Variants in AGBL4 observed in about 807,000 individuals in gnomAD.
AGBL4 encodes cytosolic carboxypeptidase 6.
A neutral mutation model predicts 66.4 loss-of-function variants in AGBL4; 58 were observed. That is an observed-to-expected ratio of 0.87 (90% confidence interval 0.71 to 1.09). AGBL4 has a LOEUF of 1.09. AGBL4 is among the 50% of genes least tolerant of loss of function. AGBL4 has a pLI of 0.00. For missense variants in AGBL4, 579 were observed against 631.0 expected (o/e 0.92, Z 0.88); for synonymous variants, 234 against 222.9 (o/e 1.05, Z -0.44).
chr1:48,753,137 C>T (rs559314874), intron 6 of AGBL4, among the ~76,000 whole-genome samples: 2 of 152,326 alleles, frequency 1.3e-5, no homozygotes, highest in Non-Finnish European at 2.9e-5. Context: ...AGTTAAGTAA[C>T]TTGCCCGAGG....
chr1:49,796,744 C>T (rs1282988034), intron 2 of AGBL4, among the ~76,000 whole-genome samples: 1 of 151,602 alleles, frequency 6.6e-6, no homozygotes, highest in African/African-American at 2.4e-5. Flanking sequence ...TTCTAAATTA[C>T]AGATTATTTT....
chr1:49,724,188 C>T (rs574834858), intron 2 of AGBL4, among the ~76,000 whole-genome samples: 2 of 152,052 alleles, frequency 1.3e-5, no homozygotes, highest in Non-Finnish European at 2.9e-5. Flanking sequence ...CACTCTGGAC[C>T]CCAAACAGTG....
Position 49,867,540 on chromosome 1 carries a change from C to T in AGBL4, c.35-16022G>A, listed in dbSNP as rs375512729. ...GTGTGTAATGTTCCCCTTCCTGTGT[C>T]CAAGTGTTCTTATTGTTCAATTCCC... On this transcript the variant is annotated intron_variant, in intron 1 of 13. Coordinates refer to ENST00000371839, the MANE Select transcript of AGBL4 (RefSeq NM_032785.4). Among the ~76,000 whole-genome samples, 47 of 138,468 alleles carry T rather than the reference C, an allele frequency of 3.4e-4. 1 individual carries two copies. The South Asian group carries it at 9.7e-3, about 29-fold the overall frequency. The allele number at this position is 138,468 out of a possible 152,430, so 90.8% of individuals were successfully genotyped here.
intron 3 of AGBL4, among the ~76,000 whole-genome samples, chr1:49,555,932 G>C (rs1653406220): frequency 6.6e-6 from 1 of 152,130 alleles, no homozygotes; most frequent in Admixed American, 6.5e-5. Flanking sequence ...CTGTTGGTGG[G>C]ACTGTAAACT....
chr1:49,788,147 G>T, intron 2 of AGBL4, among the ~76,000 whole-genome samples: 1 of 152,284 alleles, frequency 6.6e-6, no homozygotes, highest in South Asian at 2.1e-4. Flanking sequence ...TTTTCTTGGG[G>T]ATATGCAAAC....
intron 11 of AGBL4, among the ~76,000 whole-genome samples, chr1:48,580,579 T>C (rs992701323): frequency 6.6e-6 from 1 of 152,198 alleles, no homozygotes; most frequent in Non-Finnish European, 1.5e-5. Flanking sequence ...TGAGACTGTT[T>C]TGTGACTAGA....
intron 4 of AGBL4, among the ~76,000 whole-genome samples, chr1:49,115,933 A>G (rs1276849097): frequency 1.3e-5 from 2 of 152,190 alleles, no homozygotes; most frequent in Non-Finnish European, 2.9e-5. Flanking sequence ...GAAATGCTGT[A>G]TCTCCATGTT....
intron 4 of AGBL4, among the ~76,000 whole-genome samples, chr1:49,219,774 C>T (rs187989438): frequency 1.8e-4 from 27 of 152,216 alleles, no homozygotes; most frequent in Middle Eastern, 3.4e-3. Flanking sequence ...AGAAAAGTTT[C>T]GTTGTCAAAG....
At chr1:49,619,308 A>G (rs952968673) in intron 3 of AGBL4, among the ~76,000 whole-genome samples, 1 of 152,192 alleles carries the variant, frequency 6.6e-6, no homozygotes, top group Non-Finnish European at 1.5e-5. Flanking sequence ...AACCACAAGC[A>G]TTCCTATACA....
chr1:49,797,978 G>C (rs546859547), intron 2 of AGBL4, among the ~76,000 whole-genome samples: 2 of 152,194 alleles, frequency 1.3e-5, no homozygotes, highest in East Asian at 1.9e-4. Context: ...GGCCAGGCTG[G>C]TCTCGAACTA....
At position 49,683,908 on chromosome 1, in the gene AGBL4, A is replaced by G. The variant is rs368416330; in HGVS notation, c.282+13405T>C. 3.3e-4 allele frequency among the ~76,000 whole-genome samples: 51 copies of G among 152,354 alleles called. 1 individual carries two copies. The South Asian group carries it at 9.5e-3, about 28-fold the overall frequency. ...GGAAGTGTTTGGTAGGCTGCTGGAA[A>G]GATGAATTACACTGCAGTGAAACTA... is the stretch of plus-strand genomic sequence containing the variant. On this transcript the variant is annotated intron_variant, in intron 3 of 13. Coordinates refer to ENST00000371839, the MANE Select transcript of AGBL4 (RefSeq NM_032785.4).
At chr1:48,713,997 G>A (rs1647007520) in intron 6 of AGBL4, among the ~76,000 whole-genome samples, 1 of 152,162 alleles carries the variant, frequency 6.6e-6, no homozygotes, top group African/African-American at 2.4e-5. Flanking sequence ...ATGGAAGTAC[G>A]ACTCATGTGT....
chr1:49,133,142 AAAACC>A (rs1300309669), intron 4 of AGBL4, among the ~76,000 whole-genome samples: 1 of 152,218 alleles, frequency 6.6e-6, no homozygotes, highest in Non-Finnish European at 1.5e-5. Flanking sequence ...ACAGTAACAG[AAAACC>A]AAACACTGCA....
intron 4 of AGBL4, among the ~76,000 whole-genome samples, chr1:49,145,291 A>T (rs1011525079): frequency 3.3e-5 from 5 of 152,158 alleles, no homozygotes; most frequent in African/African-American, 9.7e-5. Flanking sequence ...TATATTAAAG[A>T]TAATTAATAA....
intron 3 of AGBL4, among the ~76,000 whole-genome samples, chr1:49,668,752 T>A (rs894223230): frequency 3.3e-5 from 5 of 152,200 alleles, no homozygotes; most frequent in Non-Finnish European, 7.3e-5. Flanking sequence ...AGTCCCTGTT[T>A]TAAAGAAATC....
At position 49,381,084 on chromosome 1, in the gene AGBL4, G is replaced by T. The variant is rs558945716; in HGVS notation, c.283-135220C>A. On this transcript the variant is annotated intron_variant, in intron 3 of 13. Coordinates refer to ENST00000371839, the MANE Select transcript of AGBL4 (RefSeq NM_032785.4). The stretch of plus-strand genomic sequence containing the variant: ...ACCTACAACATGGGAGAAAATTTTC[G>T]CAACCTACTCATCTGACAAAGGGCT... Among the ~76,000 whole-genome samples, 521 of 152,078 alleles carry T rather than the reference G, an allele frequency of 3.4e-3. 1 individual carries two copies. The highest frequency in any genetic ancestry group is 0.012 in the African/African-American group (491 of 41,478).
chr1:48,824,753 G>A (rs1245016642), intron 6 of AGBL4, among the ~76,000 whole-genome samples: 1 of 152,218 alleles, frequency 6.6e-6, no homozygotes, highest in East Asian at 1.9e-4. Flanking sequence ...GCCTGGAGAA[G>A]AGATGACTTG....
chr1:49,423,809 CAAAAAA>C (rs5774048), intron 3 of AGBL4, among the ~76,000 whole-genome samples: 2 of 84,360 alleles, frequency 2.4e-5, no homozygotes, highest in African/African-American at 5.1e-5. Flanking sequence ...AAGACTCGGC[CAAAAAA>C]AAAAAAAAAA....
At chr1:48,652,250 G>A (rs958071200) in intron 8 of AGBL4, among the ~76,000 whole-genome samples, 15 of 152,194 alleles carry the variant, frequency 9.9e-5, no homozygotes, top group Non-Finnish European at 1.6e-4. Flanking sequence ...CCAGGCCTGT[G>A]AGAACTCAGA....
Sources: allele counts gnomAD v4.1 joint callset (sites outside exome capture counted in the v4.1 genomes callset), GRCh38; gene constraint gnomAD v4.1.1; transcripts MANE v1.5; gene names NCBI Gene and HGNC (gene_info 2026-07-23, HGNC 2026-07-21).